Variants in TAFA2 observed in about 807,000 individuals in gnomAD.
TAFA2 encodes TAFA chemokine like family member 2, also known as chemokine-like protein TAFA-2.
Under a neutral mutation model 18.8 loss-of-function variants are expected in TAFA2, and 7 were observed. The observed-to-expected ratio is 0.37, with a 90% confidence interval of 0.21 to 0.70. The LOEUF is 0.70. Among genes scored for constraint, TAFA2 ranks in the 30% least tolerant of loss-of-function variants. The pLI, the probability that TAFA2 is intolerant of heterozygous loss-of-function variation, is 0.53. For synonymous variants in TAFA2, 60 were observed against 54.2 expected, an observed-to-expected ratio of 1.11 and a Z score of -0.47; for missense variants, 122 against 158.1, an observed-to-expected ratio of 0.77 and a Z score of 1.23.
At chr12:61,852,708 G>A (rs984446546) in intron 2 of TAFA2, among the ~76,000 whole-genome samples, 2 of 152,104 alleles carry the variant, frequency 1.3e-5, no homozygotes. Flanking sequence ...CTGAGAGCAG[G>A]ATTCCAACAG....
intron 4 of TAFA2, among the ~76,000 whole-genome samples, chr12:61,736,255 T>C (rs994683867): frequency 6.6e-6 from 1 of 152,022 alleles, no homozygotes; most frequent in Non-Finnish European, 1.5e-5. Flanking sequence ...CCTTCCTAAA[T>C]TCTGGACAAG....
intron 4 of TAFA2, among the ~76,000 whole-genome samples, chr12:61,740,627 A>G (rs905392107): frequency 1.3e-5 from 2 of 152,058 alleles, no homozygotes; most frequent in South Asian, 2.1e-4. Context: ...CCCAGACTTC[A>G]TCATTATTTG....
intron 1 of TAFA2, among the ~76,000 whole-genome samples, chr12:62,083,686 A>G (rs1005503890): frequency 1.3e-5 from 2 of 152,236 alleles, no homozygotes; most frequent in East Asian, 1.9e-4. Context: ...AAGTTTTAAC[A>G]TAAGACAGAG....
intron 2 of TAFA2, among the ~76,000 whole-genome samples, chr12:61,820,927 G>T (rs1369327283): frequency 6.6e-6 from 1 of 151,930 alleles, no homozygotes; most frequent in Admixed American, 6.6e-5. Context: ...GATTACATTG[G>T]ACAGGTGTAT....
At chr12:61,772,811 T>G (rs1401173453) in intron 2 of TAFA2, among the ~76,000 whole-genome samples, 1 of 151,678 alleles carries the variant, frequency 6.6e-6, no homozygotes, top group African/African-American at 2.4e-5. Flanking sequence ...AGAAAAGGAT[T>G]CCCACGTTCA....
intron 1 of TAFA2, among the ~76,000 whole-genome samples, chr12:62,221,237 GGAA>G (rs1219603338): frequency 2.7e-4 from 31 of 115,234 alleles, no homozygotes; most frequent in African/African-American, 8.3e-4. Context: ...AAGGAAGGAA[GGAA>G]GGAAGGAAGG....
intron 1 of TAFA2, among the ~76,000 whole-genome samples, chr12:62,134,079 T>C (rs1870797329): frequency 1.3e-5 from 2 of 151,752 alleles, no homozygotes; most frequent in Non-Finnish European, 2.9e-5. Context: ...TTTCATCTGC[T>C]TAGGACACTC....
chr12:62,115,961 G>A (rs1186698859), intron 1 of TAFA2, among the ~76,000 whole-genome samples: 1 of 152,024 alleles, frequency 6.6e-6, no homozygotes, highest in Non-Finnish European at 1.5e-5. Context: ...GACAGTCAAG[G>A]GAATAACAGA....
intron 1 of TAFA2, among the ~76,000 whole-genome samples, chr12:62,047,373 C>G (rs1218735017): frequency 6.6e-6 from 1 of 151,942 alleles, no homozygotes; most frequent in Non-Finnish European, 1.5e-5. Flanking sequence ...AACTTATGTC[C>G]CAGGATCATC....
At chr12:61,932,944 G>GTC (rs1877621933) in intron 1 of TAFA2, among the ~76,000 whole-genome samples, 1 of 152,136 alleles carries the variant, frequency 6.6e-6, no homozygotes, top group African/African-American at 2.4e-5. Context: ...ATCCTAGCAG[G>GTC]CTTATCCAGC....
intron 4 of TAFA2, among the ~76,000 whole-genome samples, chr12:61,747,702 C>A (rs1002240687): frequency 4.2e-4 from 58 of 137,950 alleles, no homozygotes; most frequent in Non-Finnish European, 7.4e-4. Context: ...ATATCACACT[C>A]TGGGGACTGT....
At chr12:62,083,812 A>G (rs2136823614) in intron 1 of TAFA2, among the ~76,000 whole-genome samples, 1 of 152,272 alleles carries the variant, frequency 6.6e-6, no homozygotes, top group Middle Eastern at 3.4e-3. Context: ...GATTATCTTC[A>G]TCATTAACAT....
chr12:62,175,725 T>C (rs2062508203), intron 1 of TAFA2, among the ~76,000 whole-genome samples: 1 of 152,158 alleles, frequency 6.6e-6, no homozygotes, highest in South Asian at 2.1e-4. Context: ...TAGGAAGTTT[T>C]ATTGCTAGTT....
At position 61,710,214 on chromosome 12, in the gene TAFA2, A is replaced by T. The variant is rs1481494791; in HGVS notation, c.*192T>A. The T allele has an allele frequency of 3.5e-6, 2 of 566,052 alleles. No homozygotes were observed. The highest frequency in any genetic ancestry group is 3.8e-5 in the African/African-American group (2 of 52,774). The allele number at this position is 566,052 out of a possible 1,614,324, so 35.1% of individuals were successfully genotyped here. Reference sequence around the variant, plus strand: ...GTTCAAATCTGCTGAAATCTTCATGACATGCAAGTTCATGTCTGACTTTTA... The same window carrying T: ...GTTCAAATCTGCTGAAATCTTCATGTCATGCAAGTTCATGTCTGACTTTTA... On this transcript the variant is annotated 3_prime_UTR_variant, in exon 5 of 5. Coordinates refer to ENST00000416284, the MANE Select transcript of TAFA2 (RefSeq NM_178539.5).
chr12:62,222,656 G>A (rs1459042231), intron 1 of TAFA2, among the ~76,000 whole-genome samples: 4 of 150,338 alleles, frequency 2.7e-5, no homozygotes, highest in East Asian at 1.9e-4. Flanking sequence ...ACAGGTGCCC[G>A]CCACCACGCC....
intron 1 of TAFA2, among the ~76,000 whole-genome samples, chr12:62,142,254 A>G (rs1206195733): frequency 6.6e-6 from 1 of 152,172 alleles, no homozygotes; most frequent in African/African-American, 2.4e-5. Flanking sequence ...CCACACCCCT[A>G]ATGCTCTGCC....
chr12:61,977,462 T>C (rs895336160), intron 1 of TAFA2, among the ~76,000 whole-genome samples: 1 of 152,084 alleles, frequency 6.6e-6, no homozygotes, highest in Non-Finnish European at 1.5e-5. Context: ...TATTTGACCT[T>C]GTTTGCCAAG....
intron 1 of TAFA2, among the ~76,000 whole-genome samples, chr12:61,951,575 C>T (rs147818407): frequency 1.3e-5 from 2 of 152,058 alleles, no homozygotes; most frequent in African/African-American, 4.8e-5. Flanking sequence ...CACAGGAAAG[C>T]CTTGGCAACT....
At chr12:62,222,623 C>T (rs540091119) in intron 1 of TAFA2, among the ~76,000 whole-genome samples, 24 of 151,838 alleles carry the variant, frequency 1.6e-4, no homozygotes, top group Admixed American at 9.8e-4. Flanking sequence ...TCTCCTGCCT[C>T]AGTCTCACGA....
Sources: gnomAD v4.1 joint callset for allele counts (sites outside exome capture counted in the v4.1 genomes callset) on GRCh38, gnomAD v4.1.1 for gene constraint, MANE v1.5 for transcripts, NCBI Gene and HGNC (gene_info 2026-07-23, HGNC 2026-07-21) for gene names.